Variants in COQ9 observed in about 807,000 individuals in gnomAD.
COQ9 encodes the protein coenzyme Q9.
COQ9 carries 35 observed loss-of-function variants against 42.4 expected under a neutral mutation model. The ratio of observed to expected loss-of-function variants is 0.83; its 90% confidence interval spans 0.63 to 1.10. COQ9 has a LOEUF of 1.10. COQ9 is among the 50% of genes least tolerant of loss of function. The pLI is 0.00. For missense variants in COQ9, 406 were observed against 414.6 expected, an observed-to-expected ratio of 0.98 and a Z score of 0.18; for synonymous variants, 155 against 155.1, an observed-to-expected ratio of 1.00 and a Z score of 0.00.
intron 7 of COQ9, 130 bp from the exon 8 acceptor site, chr16:57,459,913 GTCCAAAGC>G (rs1231197252): frequency 1.2e-4 from 117 of 1,014,414 alleles, no homozygotes; most frequent in Non-Finnish European, 1.7e-4. Context: ...TGATTGTGTT[GTCCAAAGC>G]TCTCCTTCCA....
chr16:57,460,636 A>G lies in COQ9; in HGVS notation c.*12A>G, dbSNP rs1411745607. 2.5e-6 allele frequency: 4 copies of G among 1,611,326 alleles called. No homozygotes were observed. The highest frequency in any genetic ancestry group is 2.2e-5 in the East Asian group (1 of 44,886). Reference sequence around the variant, plus strand: ...ACCAGCGTCGGTGAGAGGAAGGGGTATAAGCTACAATGCCTAGAAGAGAAT... The same window carrying G: ...ACCAGCGTCGGTGAGAGGAAGGGGTGTAAGCTACAATGCCTAGAAGAGAAT... On this transcript the variant is annotated 3_prime_UTR_variant, in exon 9 of 9. Transcript: ENST00000262507.
At chr16:57,452,010 C>T (rs2030300695) in intron 2 of COQ9, among the ~76,000 whole-genome samples, 1 of 152,080 alleles carries the variant, frequency 6.6e-6, no homozygotes, top group African/African-American at 2.4e-5. Flanking sequence ...CCTAATCCTG[C>T]CATTGAAAAG....
At chr16:57,451,355 A>C (rs2030284408) in intron 2 of COQ9, 147 bp downstream of exon 2, 1 of 901,320 alleles carries the variant, frequency 1.1e-6, no homozygotes, top group Non-Finnish European at 1.8e-6. Flanking sequence ...TATTTTTTGT[A>C]GTGATGGCTT....
chr16:57,450,412 C>CAAA (rs59815351), intron 1 of COQ9, among the ~76,000 whole-genome samples: 23 of 92,394 alleles, frequency 2.5e-4, no homozygotes, highest in South Asian at 3.5e-4. Context: ...GAGACTCTGA[C>CAAA]AAAAAAAAAA....
At chr16:57,449,364 C>A (rs1346687683) in intron 1 of COQ9, among the ~76,000 whole-genome samples, 1 of 152,144 alleles carries the variant, frequency 6.6e-6, no homozygotes, top group Non-Finnish European at 1.5e-5. Context: ...GTGTTCAAGT[C>A]TTTATAGGCC....
chr16:57,460,634 G>T lies in COQ9; in HGVS notation c.*10G>T. 6.2e-7 allele frequency: 1 copy of T among 1,612,512 alleles called. No individual in the cohort carries two copies. The highest frequency in any genetic ancestry group is 8.5e-7 in the Non-Finnish European group (1 of 1,178,530). On this transcript the variant is annotated 3_prime_UTR_variant, in exon 9 of 9. Coordinates refer to ENST00000262507, the MANE Select transcript of COQ9 (RefSeq NM_020312.4). The stretch of plus-strand genomic sequence containing the variant: ...AAACCAGCGTCGGTGAGAGGAAGGG[G>T]TATAAGCTACAATGCCTAGAAGAGA...
In COQ9 at chr16:57,451,183, C is replaced by T. The variant is rs760980622; in HGVS notation, c.217C>T (p.Pro73Ser). ...GACACAGGGGGCAGAAAAACCTGATCCAGAGTCTTCTCATTCACCCCCCAG... is the reference window on the plus strand; with the variant it reads ...GACACAGGGGGCAGAAAAACCTGATTCAGAGTCTTCTCATTCACCCCCCAG... Reference protein sequence around the residue: ...SETQGAEKPDPESSHSPPRYT... With the variant: ...SETQGAEKPDSESSHSPPRYT... The change falls in exon 2 of 9, where the codon CCA becomes TCA. Residue 73 changes from proline (P) to serine (S), a missense_variant. Coordinates refer to ENST00000262507, the MANE Select transcript of COQ9 (RefSeq NM_020312.4). The T allele has an allele frequency of 6.2e-7, 1 of 1,614,176 alleles. No individual in the cohort carries two copies. The highest frequency in any genetic ancestry group is 8.5e-7 in the Non-Finnish European group (1 of 1,180,020).
chr16:57,447,696 G>A (rs918729310), intron 1 of COQ9, 118 bp downstream of exon 1: 5 of 897,764 alleles, frequency 5.6e-6, no homozygotes, highest in Non-Finnish European at 7.3e-6. Context: ...AGCAAGGTGA[G>A]GTGAAGGGCA....
chr16:57,460,815 T>G lies in COQ9; in HGVS notation c.*191T>G, dbSNP rs532394134. 9 of 614,188 alleles carry G rather than the reference T, an allele frequency of 1.5e-5. No homozygotes were observed. The highest frequency in any genetic ancestry group is 1.3e-4 in the African/African-American group (7 of 54,170). The allele number at this position is 614,188 out of a possible 1,614,324, so 38.0% of individuals were successfully genotyped here. A position where few individuals can be genotyped will look rare whatever the true frequency, so the allele number is the denominator to read the frequency against. On this transcript the variant is annotated 3_prime_UTR_variant, in exon 9 of 9. Coordinates refer to ENST00000262507, the MANE Select transcript of COQ9 (RefSeq NM_020312.4). ...CTACCGTTCTGGTCAGGGATTGGGC[T>G]GCTTCTTCAGTTCCTAATACCAGAC...
chr16:57,451,162 CAGG>C lies in COQ9; in HGVS notation c.197_199del (p.Gln66_Gly67delinsArg). 1 of 1,614,214 alleles carries C rather than the reference CAGG, an allele frequency of 6.2e-7. No homozygotes were observed. Among genetic ancestry groups the C allele is most frequent in the Non-Finnish European group, 8.5e-7 (1 of 1,180,034 alleles). ...ATTTTCTCAGCAGCATTCTGAGACA[CAGG>C]GGGCAGAAAAACCTGATCCAGAGTC... On this transcript the variant is annotated inframe_deletion, in exon 2 of 9. Transcript: ENST00000262507.
chr16:57,456,742 C>G, intron 4 of COQ9, 96 bp downstream of exon 4: 1 of 1,479,758 alleles, frequency 6.8e-7, no homozygotes, highest in Non-Finnish European at 9.3e-7. Context: ...AAGCAGAACC[C>G]AAAGAGAGCA....
At chr16:57,456,314 C>G in intron 3 of COQ9, 190 bp from the exon 4 acceptor site, 1 of 644,018 alleles carries the variant, frequency 1.6e-6, no homozygotes, top group East Asian at 2.8e-5. Context: ...CTAGATCCCA[C>G]TCTTGCACAC....
At position 57,451,036 on chromosome 16, in the gene COQ9, T is replaced by G; in HGVS notation, c.74-4T>G. On this transcript the variant is annotated splice_polypyrimidine_tract_variant and splice_region_variant and intron_variant, in intron 1 of 8. Coordinates refer to ENST00000262507, the MANE Select transcript of COQ9 (RefSeq NM_020312.4). Reference sequence around the variant, plus strand: ...TGTCCCTGACTGACCAGTTTCTGTTTCAGTGGCCCGTTGCCGACAAGCCCT... The same window carrying G: ...TGTCCCTGACTGACCAGTTTCTGTTGCAGTGGCCCGTTGCCGACAAGCCCT... 1 of 1,613,844 alleles carries G rather than the reference T, an allele frequency of 6.2e-7. No homozygotes were observed. The highest frequency in any genetic ancestry group is 8.5e-7 in the Non-Finnish European group (1 of 1,180,008).
At chr16:57,456,126 G>A (rs1168352505) in intron 3 of COQ9, among the ~76,000 whole-genome samples, 1 of 152,128 alleles carries the variant, frequency 6.6e-6, no homozygotes, top group Non-Finnish European at 1.5e-5. Flanking sequence ...AAAATCAAGA[G>A]GATGAGGTTC....
At chr16:57,457,350 T>C (rs947832108) in intron 5 of COQ9, 10 of 388,964 alleles carry the variant, frequency 2.6e-5, no homozygotes, top group Admixed American at 1.9e-4. Context: ...GAAGATTTTA[T>C]TGGCTGTCTT....
intron 4 of COQ9, 62 bp from the exon 5 acceptor site, chr16:57,456,869 C>T (rs2030415934): frequency 1.3e-5 from 19 of 1,468,404 alleles, no homozygotes; most frequent in Non-Finnish European, 1.6e-5. Flanking sequence ...CTGAGTAAAC[C>T]GTGGAGCACT....
chr16:57,454,116 T>G (rs2030350031), intron 3 of COQ9: 1 of 152,210 alleles, frequency 6.6e-6, no homozygotes, highest in African/African-American at 2.4e-5. Context: ...TGACTGGTTT[T>G]TTTCCCTCAA....
Position 57,460,566 on chromosome 16 carries a change from CTT to C in COQ9, c.922-21_922-20del, listed in dbSNP as rs1400119632. 4.3e-6 allele frequency: 7 copies of C among 1,613,114 alleles called. No homozygotes were observed. In the African/African-American group the frequency reaches 8.0e-5, roughly 18 times the overall value. ...AGGCAAGGTAAGCCCTCACTATTCT[CTT>C]TATTTCCATTCCCGTGTCAGCTCAA... On this transcript the variant is annotated intron_variant, in intron 8 of 8. Coordinates refer to ENST00000262507, the MANE Select transcript of COQ9 (RefSeq NM_020312.4).
intron 8 of COQ9, 134 bp from the exon 9 acceptor site, chr16:57,460,455 G>A: frequency 1.1e-6 from 1 of 873,064 alleles, no homozygotes; most frequent in East Asian, 2.6e-5. Flanking sequence ...GGACAGTCTG[G>A]CCAACATAGC....
Sources: gnomAD v4.1 joint callset for allele counts (sites outside exome capture counted in the v4.1 genomes callset) on GRCh38, gnomAD v4.1.1 for gene constraint, MANE v1.5 for transcripts, NCBI Gene and HGNC (gene_info 2026-07-23, HGNC 2026-07-21) for gene names.